SLC2A9: variants seen among roughly 807,000 people sequenced by gnomAD.
SLC2A9 encodes the protein solute carrier family 2 member 9.
A neutral mutation model predicts 50.6 loss-of-function variants in SLC2A9; 39 were observed. That is an observed-to-expected ratio of 0.77 (90% CI 0.60 to 1.01). SLC2A9 has a LOEUF of 1.01. Ranked by LOEUF, SLC2A9 falls within the 50% of genes least tolerant of loss-of-function variation. The pLI is 0.00. For synonymous variants in SLC2A9, 324 were observed against 276.9 expected (o/e 1.17, Z -1.69); for missense variants, 686 against 677.6 (o/e 1.01, Z -0.14).
At chr4:9,792,479 GTGTC>G (rs1354807118) in intron 3 of SLC2A9, among the ~76,000 whole-genome samples, 1 of 151,946 alleles carries the variant, frequency 6.6e-6, no homozygotes, top group Non-Finnish European at 1.5e-5. Context: ...AGGAGCCACT[GTGTC>G]TGGCCACATT....
intron 2 of SLC2A9, among the ~76,000 whole-genome samples, chr4:10,012,496 G>A (rs1761926854): frequency 6.6e-6 from 1 of 152,178 alleles, no homozygotes; most frequent in Admixed American, 6.5e-5. Context: ...TAAAGTGAAG[G>A]GAAGGAGGAC....
rs62295966 is a variant in SLC2A9, at chr4:9,963,519, G to A, written c.681+17073C>T. 2.0e-5 allele frequency among the ~76,000 whole-genome samples: 3 copies of A among 152,194 alleles called. No individual in the cohort carries two copies. In the East Asian group the frequency reaches 5.8e-4, roughly 29 times the overall value. On this transcript the variant is annotated intron_variant, in intron 5 of 11. Coordinates refer to ENST00000264784, the MANE Select transcript of SLC2A9 (RefSeq NM_020041.3). The stretch of plus-strand genomic sequence containing the variant: ...TTTGGTCCCAGGGAAAGGTGGACAC[G>A]CGGATGACCACCTGACCACTATGTA...
intron 3 of SLC2A9, among the ~76,000 whole-genome samples, chr4:9,791,719 G>A (rs989748755): frequency 6.6e-6 from 1 of 152,114 alleles, no homozygotes; most frequent in Non-Finnish European, 1.5e-5. Context: ...ATAATCACAT[G>A]AGGGAGCTTG....
At chr4:10,015,247 T>C (rs892725653) in intron 2 of SLC2A9, among the ~76,000 whole-genome samples, 42 of 152,164 alleles carry the variant, frequency 2.8e-4, no homozygotes, top group African/African-American at 9.7e-4. Context: ...TTGCCTTTAT[T>C]GATCATGCCA....
At chr4:9,845,262 C>A (rs376295416) in intron 10 of SLC2A9, among the ~76,000 whole-genome samples, 7 of 151,928 alleles carry the variant, frequency 4.6e-5, no homozygotes, top group East Asian at 2.0e-4. Flanking sequence ...ATCCGCCTGC[C>A]TCGGCCCCCC....
At chr4:9,930,366 G>T (rs1745679900) in intron 6 of SLC2A9, among the ~76,000 whole-genome samples, 1 of 152,232 alleles carries the variant, frequency 6.6e-6, no homozygotes, top group Admixed American at 6.5e-5. Flanking sequence ...AAGAGGGTAG[G>T]AGGGAGAGCC....
chr4:9,853,010 C>A (rs572813741), intron 10 of SLC2A9, among the ~76,000 whole-genome samples: 9 of 152,204 alleles, frequency 5.9e-5, no homozygotes, highest in Non-Finnish European at 1.2e-4. Context: ...TACCCCATTT[C>A]TACTAAAATA....
intron 6 of SLC2A9, among the ~76,000 whole-genome samples, chr4:9,939,957 G>A (rs1384048149): frequency 1.3e-5 from 2 of 152,138 alleles, no homozygotes; most frequent in Admixed American, 1.3e-4. Flanking sequence ...TTTTTATAGA[G>A]TGCACATGTA....
At chr4:9,852,174 C>T (rs1039808165) in intron 10 of SLC2A9, among the ~76,000 whole-genome samples, 11 of 151,806 alleles carry the variant, frequency 7.2e-5, no homozygotes, top group Admixed American at 2.6e-4. Flanking sequence ...AAGTGAACCC[C>T]GTCAGGCTAA....
intron 3 of SLC2A9, among the ~76,000 whole-genome samples, chr4:9,790,160 T>A (rs1480113120): frequency 1.3e-5 from 2 of 152,214 alleles, no homozygotes; most frequent in African/African-American, 4.8e-5. Flanking sequence ...CCTTTTGGGC[T>A]TTACACAACT....
intron 3 of SLC2A9, among the ~76,000 whole-genome samples, chr4:9,804,989 G>A (rs1296355188): frequency 6.6e-6 from 1 of 152,206 alleles, no homozygotes; most frequent in Non-Finnish European, 1.5e-5. Flanking sequence ...AAGAGGAGAT[G>A]ATGGGGCCCC....
chr4:9,863,814 T>C (rs1161628116), intron 10 of SLC2A9, among the ~76,000 whole-genome samples: 2 of 152,058 alleles, frequency 1.3e-5, no homozygotes, highest in Non-Finnish European at 2.9e-5. Context: ...TAATCCACCA[T>C]GTAACTTCTG....
intron 3 of SLC2A9, among the ~76,000 whole-genome samples, chr4:9,817,830 CA>C (rs1407397072): frequency 3.9e-5 from 6 of 152,128 alleles, no homozygotes; most frequent in Non-Finnish European, 5.9e-5. Context: ...TGGGTGACTC[CA>C]TCCTGTTCTG....
intron 2 of SLC2A9, among the ~76,000 whole-genome samples, chr4:10,017,667 C>A (rs572084633): frequency 7.2e-5 from 11 of 152,342 alleles, no homozygotes; most frequent in African/African-American, 2.6e-4. Context: ...CACAAGGATG[C>A]TGGACTCCCA....
chr4:9,880,648 G>T, intron 10 of SLC2A9: 1 of 768,920 alleles, frequency 1.3e-6, no homozygotes, highest in Non-Finnish European at 1.6e-6. Context: ...GTGCATGGGT[G>T]GGGAAGAAGG....
chr4:10,021,177 G>C, intron 1 of SLC2A9, 103 bp downstream of exon 1: 1 of 1,246,410 alleles, frequency 8.0e-7, no homozygotes, highest in Non-Finnish European at 1.2e-6. Context: ...AGATCCCCCA[G>C]CTACACGCTG....
intron 3 of SLC2A9, among the ~76,000 whole-genome samples, chr4:9,995,392 G>T (rs750189020): frequency 2.2e-4 from 34 of 152,158 alleles, no homozygotes; most frequent in Non-Finnish European, 4.4e-5. Context: ...ATGTTTTCAG[G>T]GTGGCTTCCT....
chr4:9,852,889 C>T (rs1730181799), intron 10 of SLC2A9, among the ~76,000 whole-genome samples: 1 of 152,172 alleles, frequency 6.6e-6, no homozygotes, highest in African/African-American at 2.4e-5. Context: ...GGGCAAAATG[C>T]CCCAATTAAA....
intron 6 of SLC2A9, among the ~76,000 whole-genome samples, chr4:9,939,817 T>C (rs1459086446): frequency 2.6e-5 from 4 of 152,158 alleles, no homozygotes; most frequent in African/African-American, 9.7e-5. Context: ...TCTCACCCTG[T>C]CACCTGGCAG....
Sources: allele counts gnomAD v4.1 joint callset (sites outside exome capture counted in the v4.1 genomes callset), GRCh38; gene constraint gnomAD v4.1.1; transcripts MANE v1.5; gene names NCBI Gene and HGNC (gene_info 2026-07-23, HGNC 2026-07-21).